Variants in BMAL2 observed in about 807,000 individuals in gnomAD.
The protein encoded by BMAL2 is basic helix-loop-helix ARNT-like protein 2.
the BMAL2 span, among the ~76,000 whole-genome samples, chr12:27,369,835 A>G: frequency 1.3e-5 from 2 of 152,174 alleles, no homozygotes; most frequent in Non-Finnish European, 2.9e-5. Context: ...AAACATGCGA[A>G]GTACTGACAG....
chr12:27,342,821 A>G, the BMAL2 span, among the ~76,000 whole-genome samples: 3 of 152,358 alleles, frequency 2.0e-5, no homozygotes, highest in South Asian at 4.1e-4. Context: ...ACTAAATCCA[A>G]TTCTCCATGC....
At chr12:27,332,854 C>T in the BMAL2 span, 1 of 185,822 alleles carries the variant, frequency 5.4e-6, no homozygotes, top group East Asian at 1.6e-4. Context: ...GGGCGGCTGG[C>T]TCCAGTCCGC....
chr12:27,405,167 TG>T, the BMAL2 span, among the ~76,000 whole-genome samples: 1 of 152,270 alleles, frequency 6.6e-6, no homozygotes, highest in East Asian at 1.9e-4. Flanking sequence ...ACTCCATCTC[TG>T]GGGGCAGGGC....
At chr12:27,377,900 G>A in the BMAL2 span, among the ~76,000 whole-genome samples, 16 of 152,222 alleles carry the variant, frequency 1.1e-4, no homozygotes, top group South Asian at 2.1e-4. Context: ...GAATGGTTGG[G>A]GCAGGGGGTG....
chr12:27,378,492 G>T, the BMAL2 span, among the ~76,000 whole-genome samples: 8 of 152,234 alleles, frequency 5.3e-5, no homozygotes, highest in Non-Finnish European at 1.5e-5. Flanking sequence ...GCATGGAGGA[G>T]ATGTGAGACG....
the BMAL2 span, chr12:27,400,855 G>A: frequency 1.0e-6 from 1 of 959,206 alleles, no homozygotes; most frequent in Non-Finnish European, 1.4e-6. Context: ...AGCACTGCTA[G>A]TTTTTCTTTT....
At chr12:27,347,445 A>G in the BMAL2 span, among the ~76,000 whole-genome samples, 1 of 152,120 alleles carries the variant, frequency 6.6e-6, no homozygotes, top group Non-Finnish European at 1.5e-5. Flanking sequence ...GAGTTCCATG[A>G]AGGATTAGTC....
chr12:27,395,083 C>G, the BMAL2 span, among the ~76,000 whole-genome samples: 2 of 152,256 alleles, frequency 1.3e-5, no homozygotes, highest in Non-Finnish European at 2.9e-5. Context: ...TAACTTGCAT[C>G]ATTTTCTATA....
At chr12:27,343,925 C>T in the BMAL2 span, among the ~76,000 whole-genome samples, 1 of 152,192 alleles carries the variant, frequency 6.6e-6, no homozygotes, top group Non-Finnish European at 1.5e-5. Flanking sequence ...TTTCTCCTCC[C>T]TCTTTGCCCT....
the BMAL2 span, among the ~76,000 whole-genome samples, chr12:27,351,913 G>A: frequency 2.6e-5 from 4 of 151,944 alleles, no homozygotes; most frequent in African/African-American, 9.7e-5. Context: ...TAAAACTAAA[G>A]CAAACAATAT....
the BMAL2 span, among the ~76,000 whole-genome samples, chr12:27,384,556 A>T: frequency 5.4e-4 from 82 of 152,284 alleles, no homozygotes; most frequent in African/African-American, 1.9e-3. Flanking sequence ...AAATAACTGT[A>T]GTGGTCCCCC....
the BMAL2 span, among the ~76,000 whole-genome samples, chr12:27,343,413 T>C: frequency 6.6e-6 from 1 of 152,240 alleles, no homozygotes; most frequent in Non-Finnish European, 1.5e-5. Context: ...ACTTGAGTTG[T>C]CGGGAATCAT....
the BMAL2 span, among the ~76,000 whole-genome samples, chr12:27,338,707 G>A: frequency 6.6e-6 from 1 of 152,196 alleles, no homozygotes; most frequent in Non-Finnish European, 1.5e-5. Context: ...TTACACATAG[G>A]TGAGTTTCCT....
chr12:27,350,654 T>C, the BMAL2 span, among the ~76,000 whole-genome samples: 1 of 152,194 alleles, frequency 6.6e-6, no homozygotes, highest in South Asian at 2.1e-4. Flanking sequence ...AGGTTGTGAA[T>C]AACACAAGAA....
At chr12:27,400,561 G>A in the BMAL2 span, 1 of 1,613,328 alleles carries the variant, frequency 6.2e-7, no homozygotes, top group African/African-American at 1.3e-5. Flanking sequence ...ACTATCCATT[G>A]CACTGGTTAC....
chr12:27,376,305 G>A, the BMAL2 span: 124 of 1,542,310 alleles, frequency 8.0e-5, no homozygotes, highest in South Asian at 1.3e-3. Context: ...TACAGAAAAG[G>A]TACTTCATGT....
the BMAL2 span, chr12:27,402,751 C>T: frequency 7.4e-7 from 1 of 1,353,182 alleles, no homozygotes; most frequent in Non-Finnish European, 1.0e-6. Context: ...CTTTTTCTGT[C>T]CTGGAGAGGG....
At chr12:27,380,472 G>C in the BMAL2 span, 177 of 1,554,516 alleles carry the variant, frequency 1.1e-4, no homozygotes, top group Admixed American at 6.2e-4. Flanking sequence ...TCTCTGATTG[G>C]TTCGCTTTGC....
the BMAL2 span, among the ~76,000 whole-genome samples, chr12:27,414,352 G>A: frequency 0.016 from 2,494 of 152,190 alleles, 31 homozygotes; most frequent in Non-Finnish European, 0.028. Context: ...CAGAATACAC[G>A]TTCTTTTCAA....
Sources: gnomAD v4.1 joint callset for allele counts (sites outside exome capture counted in the v4.1 genomes callset) on GRCh38, gnomAD v4.1.1 for gene constraint, MANE v1.5 for transcripts, NCBI Gene and HGNC (gene_info 2026-07-23, HGNC 2026-07-21) for gene names.